Variants in BCL2L13 observed in about 807,000 individuals in gnomAD.
The protein encoded by BCL2L13 is BCL2 like 13.
BCL2L13 carries 13 observed loss-of-function variants against 25.8 expected under a neutral mutation model. The ratio of observed to expected loss-of-function variants is 0.50; its 90% CI spans 0.33 to 0.80. The LOEUF (loss-of-function observed/expected upper bound fraction) is 0.80, where lower values mean the gene tolerates loss of function less well. Among genes scored for constraint, BCL2L13 ranks in the 30% least tolerant of loss-of-function variants. BCL2L13 has a pLI of 0.02. For missense variants in BCL2L13, 504 were observed against 574.9 expected (o/e 0.88, Z 1.26); for synonymous variants, 244 against 230.3 (o/e 1.06, Z -0.54).
intron 1 of BCL2L13, among the ~76,000 whole-genome samples, chr22:17,651,313 G>A (rs1473148898): frequency 6.6e-6 from 1 of 151,678 alleles, no homozygotes; most frequent in African/African-American, 2.4e-5. Context: ...GTCTTCTTAG[G>A]TAATTTGATT....
At chr22:17,631,159 C>A (rs948638335) in intron 1 of BCL2L13, among the ~76,000 whole-genome samples, 1 of 150,330 alleles carries the variant, frequency 6.7e-6, no homozygotes, top group Non-Finnish European at 1.5e-5. Context: ...TGCAGTGGTG[C>A]AAACTCGGCT....
chr22:17,707,744 A>G (rs779949305), intron 6 of BCL2L13, among the ~76,000 whole-genome samples: 1 of 152,190 alleles, frequency 6.6e-6, no homozygotes, highest in Non-Finnish European at 1.5e-5. Context: ...ACCAACGTAG[A>G]TGGGCTTTGG....
In BCL2L13 at chr22:17,726,658, G is replaced by A. The variant is rs755534078; in HGVS notation, c.601-19G>A. On this transcript the variant is annotated intron_variant, in intron 6 of 6. Transcript: ENST00000317582. ...ATAGTTACCATTCTTTATTATTGAC[G>A]CTTGTCCTTCGTTTCTAGGGCACTG... 23 of 1,597,330 alleles carry A rather than the reference G, an allele frequency of 1.4e-5. No homozygotes were observed. Among genetic ancestry groups the A allele is most frequent in the Middle Eastern group, 1.7e-4 (1 of 6,012 alleles).
chr22:17,631,388 C>T (rs568325398), intron 1 of BCL2L13, among the ~76,000 whole-genome samples: 15 of 151,970 alleles, frequency 9.9e-5, no homozygotes, highest in Non-Finnish European at 8.8e-5. Context: ...TGAGCCACCA[C>T]GCCCAGCCTC....
At chr22:17,708,166 C>G (rs1353202463) in intron 6 of BCL2L13, among the ~76,000 whole-genome samples, 1 of 151,462 alleles carries the variant, frequency 6.6e-6, no homozygotes. Context: ...CTCTACTTCC[C>G]TTTTTAATTG....
chr22:17,637,805 C>T (rs996907890), upstream of BCL2L13, among the ~76,000 whole-genome samples: 45 of 152,174 alleles, frequency 3.0e-4, 1 homozygote, highest in Non-Finnish European at 1.0e-4. Context: ...CCCACAATAG[C>T]AGTTCAACTC....
rs144461534 is a variant in BCL2L13, at chr22:17,649,472, T to C, written c.-50-6190T>C. The stretch of plus-strand genomic sequence containing the variant: ...TGCTACCAAAGAAATACTGAGACTT[T>C]TTTATTTTCTAGCAAAAGAGGGTTG... On this transcript the variant is annotated intron_variant, in intron 1 of 6. Coordinates refer to ENST00000317582, the MANE Select transcript of BCL2L13 (RefSeq NM_015367.4). 2.7e-3 allele frequency among the ~76,000 whole-genome samples: 409 copies of C among 152,312 alleles called. 1 individual carries two copies. Among genetic ancestry groups the C allele is most frequent in the African/African-American group, 9.5e-3 (396 of 41,570 alleles).
At position 17,729,503 on chromosome 22, in the gene BCL2L13, T is replaced by G. The variant is rs999466095; in HGVS notation, c.*1969T>G. On this transcript the variant is annotated 3_prime_UTR_variant, in exon 7 of 7. Coordinates refer to ENST00000317582, the MANE Select transcript of BCL2L13 (RefSeq NM_015367.4). ...GTGCGTTATCTTGATTTTTAAAAAG[T>G]AATAAATCCTATGAGTTCCAGTATT... 1 of 152,190 alleles carries G rather than the reference T, an allele frequency of 6.6e-6. No individual in the cohort carries two copies. Among genetic ancestry groups the G allele is most frequent in the Non-Finnish European group, 1.5e-5 (1 of 68,032 alleles). The allele number at this position is 152,190 out of a possible 1,614,324, so 9.4% of individuals were successfully genotyped here. A position where few individuals can be genotyped will look rare whatever the true frequency, so the allele number is the denominator to read the frequency against.
At chr22:17,645,346 T>G (rs555075171) in intron 1 of BCL2L13, among the ~76,000 whole-genome samples, 1 of 149,178 alleles carries the variant, frequency 6.7e-6, no homozygotes, top group Non-Finnish European at 1.5e-5. Flanking sequence ...CTCAGCCTCC[T>G]GAGTAGCTGG....
chr22:17,660,148 C>T lies in BCL2L13; in HGVS notation c.121+4316C>T, dbSNP rs2059019355. Among the ~76,000 whole-genome samples the T allele has an allele frequency of 2.0e-5, 3 of 146,534 alleles. 1 individual carries two copies. The highest frequency in any genetic ancestry group is 2.1e-4 in the South Asian group (1 of 4,738). ...CTGGGATTACAGGCACGAGCCATGG[C>T]GCCTGGCCTATATATAAACATTTTA... On this transcript the variant is annotated intron_variant, in intron 2 of 6. Transcript: ENST00000317582.
chr22:17,706,609 T>TC lies in BCL2L13; in HGVS notation c.600+4226dup, dbSNP rs1212110452. ...GCGTCTCTGAAGAGTGTGGTTTTTT[T>TC]CCCTCTCCTTAAGTCTGATCACCAT... On this transcript the variant is annotated intron_variant, in intron 6 of 6. Transcript: ENST00000317582. 2.7e-6 allele frequency: 3 copies of TC among 1,120,694 alleles called. No homozygotes were observed. In the South Asian group the frequency reaches 6.2e-5, roughly 23 times the overall value. 69.4% of individuals were successfully genotyped at this position (1,120,694 alleles called of 1,614,324 possible). A position where few individuals can be genotyped will look rare whatever the true frequency, so the allele number is the denominator to read the frequency against.
intron 6 of BCL2L13, among the ~76,000 whole-genome samples, chr22:17,719,506 C>T (rs558462501): frequency 1.3e-5 from 2 of 152,138 alleles, no homozygotes; most frequent in South Asian, 2.1e-4. Context: ...AGAATCAACC[C>T]AAATGTTCAC....
intron 6 of BCL2L13, among the ~76,000 whole-genome samples, chr22:17,710,808 C>T (rs1181100399): frequency 2.6e-5 from 4 of 151,504 alleles, no homozygotes; most frequent in Non-Finnish European, 1.5e-5. Flanking sequence ...ATCCAAGAGG[C>T]GGAGCTTGCA....
chr22:17,702,348 G>T lies in BCL2L13; in HGVS notation c.562G>T (p.Asp188Tyr). 1 of 1,611,656 alleles carries T rather than the reference G, an allele frequency of 6.2e-7. No homozygotes were observed. Among genetic ancestry groups the T allele is most frequent in the South Asian group, 1.1e-5 (1 of 90,734 alleles). Reference sequence around the variant, plus strand: ...GCAGTTTGGCGTGACATACCTGGAGGACTATTCGGCAGAGTACATCATTCA... The same window carrying T: ...GCAGTTTGGCGTGACATACCTGGAGTACTATTCGGCAGAGTACATCATTCA... Reference protein sequence around the residue: ...LLQFGVTYLEDYSAEYIIQQG... With the variant: ...LLQFGVTYLEYYSAEYIIQQG... Residue 188 changes from aspartate to tyrosine, a missense_variant, in exon 6 of 7, where the codon GAC (aspartate) becomes TAC (tyrosine). By Grantham distance (160) the Asp-to-Tyr change is radical. Transcript: ENST00000317582.
intron 4 of BCL2L13, among the ~76,000 whole-genome samples, chr22:17,695,320 G>A (rs754912111): frequency 5.9e-5 from 9 of 152,094 alleles, no homozygotes; most frequent in Non-Finnish European, 1.2e-4. Flanking sequence ...ATCTAGCATG[G>A]TAACGTTCAG....
At chr22:17,679,481 G>A (rs2059672022) in intron 2 of BCL2L13, among the ~76,000 whole-genome samples, 1 of 151,772 alleles carries the variant, frequency 6.6e-6, no homozygotes, top group Admixed American at 6.6e-5. Context: ...TGTTGGCCAG[G>A]CTGGTCTTGA....
chr22:17,631,462 A>C (rs530911727), intron 1 of BCL2L13, among the ~76,000 whole-genome samples: 5 of 151,472 alleles, frequency 3.3e-5, no homozygotes, highest in African/African-American at 1.2e-4. Flanking sequence ...GGAGTACTAC[A>C]TGTGTGATAT....
chr22:17,658,012 G>C lies in BCL2L13; in HGVS notation c.121+2180G>C, dbSNP rs181696918. The stretch of plus-strand genomic sequence containing the variant: ...AATTTTTGAAATTTTAGTAGAGACA[G>C]GGTTTCACCATGTTGGCCAGGATGG... On this transcript the variant is annotated intron_variant, in intron 2 of 6. Transcript: ENST00000317582. Among the ~76,000 whole-genome samples the C allele has an allele frequency of 4.5e-3, 687 of 151,038 alleles. 6 individuals carry two copies. Among genetic ancestry groups the C allele is most frequent in the African/African-American group, 0.016 (654 of 41,136 alleles).
chr22:17,715,809 T>G (rs1191758741), intron 6 of BCL2L13, among the ~76,000 whole-genome samples: 1 of 152,152 alleles, frequency 6.6e-6, no homozygotes, highest in Non-Finnish European at 1.5e-5. Context: ...TTGGAATTGT[T>G]TTTAGCACCA....
Sources: allele counts gnomAD v4.1 joint callset (sites outside exome capture counted in the v4.1 genomes callset), GRCh38; gene constraint gnomAD v4.1.1; transcripts MANE v1.5; gene names NCBI Gene and HGNC (gene_info 2026-07-23, HGNC 2026-07-21).